MACROD2: variants seen among roughly 807,000 people sequenced by gnomAD.
The protein encoded by MACROD2 is mono-ADP ribosylhydrolase 2.
MACROD2 carries 36 observed loss-of-function variants against 70.4 expected under a neutral mutation model. That is an observed-to-expected ratio of 0.51 (90% CI 0.39 to 0.68). The LOEUF (loss-of-function observed/expected upper bound fraction) is 0.68. Ranked by LOEUF, MACROD2 falls within the 30% of genes least tolerant of loss-of-function variation. The pLI is 0.00. For synonymous variants in MACROD2, 172 were observed against 178.8 expected (o/e 0.96, Z 0.30); for missense variants, 496 against 538.4 (o/e 0.92, Z 0.78).
intron 5 of MACROD2, among the ~76,000 whole-genome samples, chr20:15,012,746 C>CT (rs2075092729): frequency 6.6e-6 from 1 of 152,150 alleles, no homozygotes; most frequent in Non-Finnish European, 1.5e-5. Context: ...TCCCGGTCTC[C>CT]GGTTGTCTGC....
intron 3 of MACROD2, among the ~76,000 whole-genome samples, chr20:14,109,495 A>G (rs4814281): frequency 0.99 from 150,882 of 151,846 alleles, 74,970 homozygotes; most frequent in East Asian, 1. Flanking sequence ...AAATAAAATG[A>G]ACCCATATTT....
chr20:15,148,182 G>A lies in MACROD2; in HGVS notation c.419-81758G>A, dbSNP rs530648100. ...GGCTGCTTCGAGCGGGATTAGGGGC[G>A]GTGTGGGAGCCTAGAGTGGGAGAGA... On this transcript the variant is annotated intron_variant, in intron 5 of 17. Transcript: ENST00000684519. 7.2e-5 allele frequency among the ~76,000 whole-genome samples: 11 copies of A among 151,972 alleles called. No homozygotes were observed. The East Asian group carries it at 9.7e-4, about 13-fold the overall frequency.
intron 3 of MACROD2, among the ~76,000 whole-genome samples, chr20:14,378,503 A>G (rs1286000940): frequency 1.3e-5 from 2 of 152,156 alleles, no homozygotes; most frequent in Non-Finnish European, 2.9e-5. Context: ...CTCTGCTGCA[A>G]TTGCATCACA....
chr20:14,608,185 C>A (rs1982927605), intron 4 of MACROD2, among the ~76,000 whole-genome samples: 1 of 151,946 alleles, frequency 6.6e-6, no homozygotes, highest in Non-Finnish European at 1.5e-5. Context: ...GAACCTGGAG[C>A]ACGGAGGTTG....
intron 4 of MACROD2, among the ~76,000 whole-genome samples, chr20:14,676,035 A>C (rs1396596681): frequency 5.9e-5 from 9 of 152,136 alleles, no homozygotes; most frequent in African/African-American, 7.2e-5. Context: ...CAGGTGTGCC[A>C]AGGTTCATAA....
At chr20:14,243,079 C>T (rs1037995237) in intron 3 of MACROD2, among the ~76,000 whole-genome samples, 1 of 152,082 alleles carries the variant, frequency 6.6e-6, no homozygotes, top group African/African-American at 2.4e-5. Context: ...CATCATGGGC[C>T]CTCTTTGGAG....
chr20:14,469,044 A>T (rs892555010), intron 3 of MACROD2, among the ~76,000 whole-genome samples: 1 of 152,036 alleles, frequency 6.6e-6, no homozygotes, highest in Non-Finnish European at 1.5e-5. Context: ...ACAATTCGGT[A>T]TGTTTTTGCA....
chr20:15,382,249 C>A (rs1455115607), intron 6 of MACROD2, among the ~76,000 whole-genome samples: 3 of 152,118 alleles, frequency 2.0e-5, no homozygotes, highest in Non-Finnish European at 1.5e-5. Flanking sequence ...CTACAACAGG[C>A]CTGGCAATGA....
At chr20:15,621,841 G>T (rs2049130283) in intron 8 of MACROD2, among the ~76,000 whole-genome samples, 1 of 152,224 alleles carries the variant, frequency 6.6e-6, no homozygotes, top group African/African-American at 2.4e-5. Context: ...CATAGGGGTA[G>T]TTTAGACACC....
At chr20:14,293,566 T>TG (rs2082403101) in intron 3 of MACROD2, among the ~76,000 whole-genome samples, 1 of 151,766 alleles carries the variant, frequency 6.6e-6, no homozygotes, top group South Asian at 2.1e-4. Flanking sequence ...TGTTGCTAGA[T>TG]GTGCGGGCTG....
chr20:14,273,524 T>C (rs1231331705), intron 3 of MACROD2, among the ~76,000 whole-genome samples: 2 of 147,322 alleles, frequency 1.4e-5, no homozygotes, highest in African/African-American at 2.5e-5. Flanking sequence ...TAGCACTAAA[T>C]GCCCACAAGA....
intron 5 of MACROD2, among the ~76,000 whole-genome samples, chr20:15,228,984 G>GT (rs1369466178): frequency 1.3e-5 from 2 of 152,150 alleles, no homozygotes; most frequent in East Asian, 3.9e-4. Context: ...TGTGATGAAA[G>GT]TTGATTAGTT....
chr20:14,973,105 A>G (rs1172743527), intron 5 of MACROD2, among the ~76,000 whole-genome samples: 3 of 152,144 alleles, frequency 2.0e-5, no homozygotes, highest in Non-Finnish European at 2.9e-5. Flanking sequence ...TTTATCATAA[A>G]TCATACAGTT....
chr20:15,047,186 G>C (rs193156733), intron 5 of MACROD2, among the ~76,000 whole-genome samples: 11 of 152,152 alleles, frequency 7.2e-5, no homozygotes, highest in Admixed American at 2.6e-4. Context: ...ATCTGATTGA[G>C]GATACGTGAT....
Position 14,357,166 on chromosome 20 carries a change from G to A in MACROD2, c.272-136313G>A, listed in dbSNP as rs148049441. Among the ~76,000 whole-genome samples, 6 of 152,276 alleles carry A rather than the reference G, an allele frequency of 3.9e-5. No individual in the cohort carries two copies. In the East Asian group the frequency reaches 1.2e-3, roughly 29 times the overall value. On this transcript the variant is annotated intron_variant, in intron 3 of 17. Coordinates refer to ENST00000684519, the MANE Select transcript of MACROD2 (RefSeq NM_001351661.2). The stretch of plus-strand genomic sequence containing the variant: ...GGCACATTGTAAGAAGAGTATGAGT[G>A]GTGGAAAATATTGTTTCAGCCATGT...
At chr20:14,130,543 CA>C (rs528905707) in intron 3 of MACROD2, among the ~76,000 whole-genome samples, 1 of 148,796 alleles carries the variant, frequency 6.7e-6, no homozygotes, top group African/African-American at 2.5e-5. Context: ...GACTCTGTCT[CA>C]AAAAAAAAGA....
At chr20:14,902,518 C>T (rs1031522556) in intron 5 of MACROD2, among the ~76,000 whole-genome samples, 4 of 152,146 alleles carry the variant, frequency 2.6e-5, no homozygotes, top group Admixed American at 6.5e-5. Flanking sequence ...CCATACCACA[C>T]GAGTGAAAAA....
chr20:14,786,212 G>GAGAC (rs2072371072), intron 5 of MACROD2, among the ~76,000 whole-genome samples: 1 of 149,968 alleles, frequency 6.7e-6, no homozygotes, highest in Admixed American at 6.6e-5. Flanking sequence ...GATAGAGAGA[G>GAGAC]AGAGAGAGAG....
At chr20:15,229,439 A>G (rs1472427702) in intron 5 of MACROD2, among the ~76,000 whole-genome samples, 1 of 152,210 alleles carries the variant, frequency 6.6e-6, no homozygotes, top group African/African-American at 2.4e-5. Flanking sequence ...GTTATTAATG[A>G]TTATTAAAAA....
Sources: gnomAD v4.1 joint callset for allele counts (sites outside exome capture counted in the v4.1 genomes callset) on GRCh38, gnomAD v4.1.1 for gene constraint, MANE v1.5 for transcripts, NCBI Gene and HGNC (gene_info 2026-07-23, HGNC 2026-07-21) for gene names.